ATF2: variants seen among roughly 807,000 people sequenced by gnomAD.
ATF2 encodes the protein cyclic AMP-dependent transcription factor ATF-2.
A neutral mutation model predicts 60.6 loss-of-function variants in ATF2; 24 were observed. The ratio of observed to expected loss-of-function variants is 0.40; its 90% CI spans 0.29 to 0.56. The LOEUF (loss-of-function observed/expected upper bound fraction) is 0.56, where lower values mean the gene tolerates loss of function less well. Among genes scored for constraint, ATF2 ranks in the 20% least tolerant of loss-of-function variants. The pLI, the probability that ATF2 is intolerant of heterozygous loss-of-function variation, is 0.54. For synonymous variants in ATF2, 206 were observed against 215.4 expected (o/e 0.96, Z 0.38); for missense variants, 433 against 607.7 (o/e 0.71, Z 3.02).
intron 5 of ATF2, among the ~76,000 whole-genome samples, chr2:175,118,760 G>C (rs1048114705): frequency 6.6e-6 from 1 of 151,476 alleles, no homozygotes; most frequent in African/African-American, 2.4e-5. Context: ...ACTAGGATAA[G>C]AGCATGTATA....
intron 7 of ATF2, among the ~76,000 whole-genome samples, chr2:175,117,238 A>T (rs1457878306): frequency 1.3e-5 from 2 of 151,946 alleles, no homozygotes; most frequent in Non-Finnish European, 2.9e-5. Context: ...ATGAAGAAAA[A>T]AAAACAGAAA....
intron 3 of ATF2, among the ~76,000 whole-genome samples, chr2:175,130,914 C>A (rs1401977008): frequency 6.6e-6 from 1 of 152,136 alleles, no homozygotes; most frequent in African/African-American, 2.4e-5. Flanking sequence ...ATAAGTTAAT[C>A]TTCTGAGTCC....
intron 7 of ATF2, among the ~76,000 whole-genome samples, chr2:175,117,406 C>T (rs1168434767): frequency 6.6e-6 from 1 of 152,014 alleles, no homozygotes; most frequent in Middle Eastern, 3.2e-3. Flanking sequence ...TTGCCCTTCG[C>T]TGTGTCCTGC....
chr2:175,161,612 C>G (rs954073095), intron 1 of ATF2, among the ~76,000 whole-genome samples: 1 of 152,138 alleles, frequency 6.6e-6, no homozygotes, highest in Non-Finnish European at 1.5e-5. Flanking sequence ...AGGGACAAAA[C>G]TCAGTCAATT....
intron 8 of ATF2, chr2:175,114,420 G>T: frequency 8.0e-7 from 1 of 1,247,944 alleles, no homozygotes; most frequent in Non-Finnish European, 1.0e-6. Context: ...ATCTGGTGAT[G>T]CAGTAATTTT....
intron 10 of ATF2, among the ~76,000 whole-genome samples, chr2:175,097,955 T>C (rs1004957829): frequency 2.0e-5 from 3 of 152,126 alleles, no homozygotes; most frequent in African/African-American, 7.2e-5. Flanking sequence ...CAGTTAATTA[T>C]TGGATTGTAC....
At chr2:175,147,365 C>CA (rs1258112401) in intron 2 of ATF2, among the ~76,000 whole-genome samples, 1 of 152,114 alleles carries the variant, frequency 6.6e-6, no homozygotes. Flanking sequence ...AATCAGTCTA[C>CA]AAAAATGGGA....
At chr2:175,114,497 T>C in intron 8 of ATF2, 193 bp downstream of exon 8, 3 of 1,296,338 alleles carry the variant, frequency 2.3e-6, no homozygotes. Flanking sequence ...TGTTTTTAGT[T>C]GTATTTATCT....
At chr2:175,139,132 T>A (rs1463122008) in intron 2 of ATF2, among the ~76,000 whole-genome samples, 1 of 152,230 alleles carries the variant, frequency 6.6e-6, no homozygotes, top group Admixed American at 6.5e-5. Flanking sequence ...TGCAGTTCTA[T>A]TATTTCTACT....
At chr2:175,083,954 C>T (rs1345560148) in intron 12 of ATF2, among the ~76,000 whole-genome samples, 5 of 152,080 alleles carry the variant, frequency 3.3e-5, no homozygotes, top group African/African-American at 1.2e-4. Context: ...TACCATCTCA[C>T]ACCAATTAGA....
At chr2:175,159,152 T>C (rs1699862859) in intron 1 of ATF2, among the ~76,000 whole-genome samples, 1 of 151,874 alleles carries the variant, frequency 6.6e-6, no homozygotes, top group Non-Finnish European at 1.5e-5. Context: ...ACCCCGTCTC[T>C]ACTAAAAATA....
intron 13 of ATF2, chr2:175,075,084 T>C (rs1395802260): frequency 7.5e-7 from 1 of 1,326,888 alleles, no homozygotes; most frequent in Non-Finnish European, 9.7e-7. Flanking sequence ...TGAAGAAATA[T>C]TTGCTAAATA....
At chr2:175,091,840 G>A (rs188166940) in intron 12 of ATF2, among the ~76,000 whole-genome samples, 1 of 152,286 alleles carries the variant, frequency 6.6e-6, no homozygotes, top group Admixed American at 6.5e-5. Flanking sequence ...TTCAGCCCAG[G>A]TGATAGAGTG....
intron 1 of ATF2, among the ~76,000 whole-genome samples, chr2:175,156,045 C>A (rs1005759293): frequency 6.6e-6 from 1 of 152,016 alleles, no homozygotes; most frequent in African/African-American, 2.4e-5. Context: ...TTACCTTCCA[C>A]CACAAAAGGA....
intron 4 of ATF2, among the ~76,000 whole-genome samples, chr2:175,124,495 A>C (rs535107218): frequency 1.3e-5 from 2 of 152,090 alleles, no homozygotes; most frequent in South Asian, 4.1e-4. Flanking sequence ...TTCTATAGTT[A>C]ATACATACAC....
chr2:175,139,061 A>G (rs1698323029), intron 2 of ATF2, among the ~76,000 whole-genome samples: 1 of 152,224 alleles, frequency 6.6e-6, no homozygotes, highest in Non-Finnish European at 1.5e-5. Flanking sequence ...GCATTTTAAA[A>G]TAGTATATGT....
intron 5 of ATF2, among the ~76,000 whole-genome samples, chr2:175,120,065 T>C (rs1307882145): frequency 6.6e-6 from 1 of 151,698 alleles, no homozygotes; most frequent in East Asian, 1.9e-4. Context: ...TGTTTGAATG[T>C]GCTCTATTTT....
intron 1 of ATF2, among the ~76,000 whole-genome samples, chr2:175,154,327 G>A (rs1025114991): frequency 4.0e-5 from 6 of 151,538 alleles, no homozygotes; most frequent in Non-Finnish European, 7.4e-5. Flanking sequence ...ACAGGGTGAC[G>A]ATCATCAGTG....
chr2:175,147,984 T>C, intron 2 of ATF2: 1 of 151,740 alleles, frequency 6.6e-6, no homozygotes, highest in East Asian at 1.9e-4. Context: ...AGGAAATCTG[T>C]AGAAAGAAAA....
Sources: gnomAD v4.1 joint callset for allele counts (sites outside exome capture counted in the v4.1 genomes callset) on GRCh38, gnomAD v4.1.1 for gene constraint, MANE v1.5 for transcripts, NCBI Gene and HGNC (gene_info 2026-07-23, HGNC 2026-07-21) for gene names.